The following ATF7IP2 variants were observed in gnomAD, a reference collection of about 807,000 sequenced individuals.
The protein encoded by ATF7IP2 is activating transcription factor 7 interacting protein 2.
ATF7IP2 carries 42 observed loss-of-function variants against 64.2 expected under a neutral mutation model. That is an observed-to-expected ratio of 0.65 (90% CI 0.51 to 0.85). ATF7IP2 has a LOEUF of 0.85. Among genes scored for constraint, ATF7IP2 ranks in the 40% least tolerant of loss-of-function variants. ATF7IP2 has a pLI of 0.00. For synonymous variants in ATF7IP2, 308 were observed against 272.8 expected, an observed-to-expected ratio of 1.13 and a Z score of -1.27; for missense variants, 933 against 784.2, an observed-to-expected ratio of 1.19 and a Z score of -2.27.
chr16:10,409,640 C>T (rs1124896), intron 1 of ATF7IP2, among the ~76,000 whole-genome samples: 2,971 of 152,190 alleles, frequency 0.02, 88 homozygotes, highest in African/African-American at 0.067. Flanking sequence ...TTAGCCAGGA[C>T]GATCTCGATC....
At chr16:10,395,598 T>G (rs939657467) in intron 1 of ATF7IP2, among the ~76,000 whole-genome samples, 2 of 152,168 alleles carry the variant, frequency 1.3e-5, no homozygotes. Flanking sequence ...CATGACCAAG[T>G]GAGATTTATT....
At chr16:10,435,784 C>G (rs1173954537) in intron 6 of ATF7IP2, among the ~76,000 whole-genome samples, 3 of 152,238 alleles carry the variant, frequency 2.0e-5, no homozygotes, top group Admixed American at 2.0e-4. Context: ...TAGTATACAA[C>G]TTTCCAGGCT....
At chr16:10,462,767 C>T (rs1168889711) in intron 9 of ATF7IP2, among the ~76,000 whole-genome samples, 6 of 152,170 alleles carry the variant, frequency 3.9e-5, no homozygotes, top group East Asian at 1.9e-4. Flanking sequence ...AAATTCTTGA[C>T]ATTATTGCTT....
intron 8 of ATF7IP2, among the ~76,000 whole-genome samples, chr16:10,444,406 G>C (rs923846672): frequency 6.6e-6 from 1 of 152,048 alleles, no homozygotes; most frequent in Non-Finnish European, 1.5e-5. Context: ...AGGTTGGTTC[G>C]AGTTTTTCTT....
intron 9 of ATF7IP2, among the ~76,000 whole-genome samples, chr16:10,460,551 T>C (rs1485846295): frequency 6.6e-6 from 1 of 152,088 alleles, no homozygotes; most frequent in Non-Finnish European, 1.5e-5. Context: ...CGGAAACCCA[T>C]GTATGTATGT....
intron 9 of ATF7IP2, among the ~76,000 whole-genome samples, chr16:10,460,726 A>T (rs912531452): frequency 6.6e-6 from 1 of 152,212 alleles, no homozygotes; most frequent in Non-Finnish European, 1.5e-5. Flanking sequence ...GGAACTAAAA[A>T]TATCTAAAGG....
intron 9 of ATF7IP2, among the ~76,000 whole-genome samples, chr16:10,469,158 G>A (rs1281726828): frequency 6.6e-6 from 1 of 152,078 alleles, no homozygotes; most frequent in African/African-American, 2.4e-5. Context: ...TATCAACAAG[G>A]AGAAGAATGA....
intron 8 of ATF7IP2, among the ~76,000 whole-genome samples, chr16:10,450,241 G>A (rs2048940937): frequency 6.6e-6 from 1 of 152,054 alleles, no homozygotes; most frequent in South Asian, 2.1e-4. Context: ...CCAGTTATGT[G>A]GTCAATTTTA....
chr16:10,418,474 G>T lies in ATF7IP2; in HGVS notation c.-202-1107G>T, dbSNP rs1291071652. On this transcript the variant is annotated intron_variant, in intron 2 of 13. Transcript: ENST00000562102. ...GAAGCAAAGGCGGCTTTATCACGGT[G>T]AGCTACTTCTTGCAGGAGTCAGGAT... Among the ~76,000 whole-genome samples, 3 of 152,172 alleles carry T rather than the reference G, an allele frequency of 2.0e-5. No homozygotes were observed. The East Asian group carries it at 5.8e-4, about 29-fold the overall frequency.
intron 9 of ATF7IP2, 59 bp from the exon 10 acceptor site, chr16:10,472,051 T>C: frequency 1.2e-6 from 1 of 854,838 alleles, no homozygotes; most frequent in East Asian, 2.6e-5. Context: ...ACTAATTGCA[T>C]GTTTAAGCCT....
At chr16:10,400,129 C>T (rs1251382259) in intron 1 of ATF7IP2, among the ~76,000 whole-genome samples, 7 of 152,220 alleles carry the variant, frequency 4.6e-5, no homozygotes, top group Non-Finnish European at 8.8e-5. Context: ...CAACTTCCAT[C>T]GCCCGGGCTC....
chr16:10,394,754 A>G (rs555512753), intron 1 of ATF7IP2, among the ~76,000 whole-genome samples: 3 of 152,242 alleles, frequency 2.0e-5, no homozygotes, highest in Non-Finnish European at 4.4e-5. Context: ...ACACTCCTAA[A>G]TAATGGGTCA....
chr16:10,454,139 G>C (rs369359851), intron 8 of ATF7IP2: 1 of 151,678 alleles, frequency 6.6e-6, no homozygotes, highest in East Asian at 2.0e-4. Flanking sequence ...GGCTGGGCGC[G>C]GTGGCTCACA....
At chr16:10,432,067 G>A (rs2048277714) in intron 5 of ATF7IP2, among the ~76,000 whole-genome samples, 1 of 141,082 alleles carries the variant, frequency 7.1e-6, no homozygotes, top group Non-Finnish European at 1.5e-5. Context: ...TCGAACTCCT[G>A]ACCTCGTGAT....
intron 1 of ATF7IP2, among the ~76,000 whole-genome samples, chr16:10,395,367 C>G (rs533032019): frequency 6.6e-6 from 1 of 152,108 alleles, no homozygotes; most frequent in Admixed American, 6.6e-5. Flanking sequence ...TAAATTCTAC[C>G]AAACATTTAA....
chr16:10,437,853 AG>A (rs1380392126), intron 6 of ATF7IP2, among the ~76,000 whole-genome samples: 3 of 152,232 alleles, frequency 2.0e-5, no homozygotes, highest in Non-Finnish European at 2.9e-5. Flanking sequence ...AGGAAACTAA[AG>A]TTAGCATTAT....
intron 9 of ATF7IP2, among the ~76,000 whole-genome samples, chr16:10,460,350 G>A (rs10445000): frequency 0.54 from 82,428 of 152,000 alleles, 22,448 homozygotes; most frequent in East Asian, 0.69. Flanking sequence ...GTATCTCAGT[G>A]TGTAATTTTA....
chr16:10,451,591 T>G (rs904294155), intron 8 of ATF7IP2, among the ~76,000 whole-genome samples: 6 of 152,040 alleles, frequency 3.9e-5, no homozygotes, highest in Non-Finnish European at 8.8e-5. Flanking sequence ...TCTGATATCC[T>G]TTCTTCCGCT....
chr16:10,458,787 C>A (rs2049268597), intron 9 of ATF7IP2, among the ~76,000 whole-genome samples: 1 of 152,152 alleles, frequency 6.6e-6, no homozygotes, highest in Non-Finnish European at 1.5e-5. Context: ...CTGCTTTAAA[C>A]CACAAAATAG....
Sources: allele counts gnomAD v4.1 joint callset (sites outside exome capture counted in the v4.1 genomes callset), GRCh38; gene constraint gnomAD v4.1.1; transcripts MANE v1.5; gene names NCBI Gene and HGNC (gene_info 2026-07-23, HGNC 2026-07-21).